KCNH1: variants seen among roughly 807,000 people sequenced by gnomAD.
KCNH1 encodes potassium voltage-gated channel subfamily H member 1.
KCNH1 carries 27 observed loss-of-function variants against 69.2 expected under a neutral mutation model. The observed-to-expected ratio is 0.39, with a 90% CI of 0.29 to 0.54. The LOEUF is 0.54. Ranked by LOEUF, KCNH1 falls within the 20% of genes least tolerant of loss-of-function variation. The pLI, the probability that KCNH1 is intolerant of heterozygous loss-of-function variation, is 0.68. For synonymous variants in KCNH1, 456 were observed against 487.7 expected (o/e 0.93, Z 0.86); for missense variants, 798 against 1,261.6 (o/e 0.63, Z 5.57).
chr1:210,899,507 T>A (rs953470199), intron 7 of KCNH1, among the ~76,000 whole-genome samples: 12 of 151,706 alleles, frequency 7.9e-5, no homozygotes, highest in East Asian at 1.9e-4. Context: ...ATATATATAT[T>A]TTTATCATTA....
In KCNH1 at chr1:210,796,259, T is replaced by A. The variant is rs530464938; in HGVS notation, c.1915+1249A>T. ...TGGAATGCTGATTCCATGGACCTCATCAGCCATGAGGAAATTTCCTTAATC... is the reference window on the plus strand; with the variant it reads ...TGGAATGCTGATTCCATGGACCTCAACAGCCATGAGGAAATTTCCTTAATC... On this transcript the variant is annotated intron_variant, in intron 9 of 10. Coordinates refer to ENST00000271751, the MANE Select transcript of KCNH1 (RefSeq NM_172362.3). 8.5e-5 allele frequency among the ~76,000 whole-genome samples: 13 copies of A among 152,202 alleles called. 1 individual carries two copies. In the South Asian group the frequency reaches 2.5e-3, roughly 29 times the overall value.
intron 6 of KCNH1, among the ~76,000 whole-genome samples, chr1:211,011,960 A>G (rs932122154): frequency 2.6e-5 from 4 of 152,192 alleles, no homozygotes; most frequent in African/African-American, 9.6e-5. Flanking sequence ...ACATCACTGA[A>G]AACAGACTCA....
At chr1:210,945,929 T>C (rs1687950871) in intron 6 of KCNH1, among the ~76,000 whole-genome samples, 1 of 152,200 alleles carries the variant, frequency 6.6e-6, no homozygotes, top group South Asian at 2.1e-4. Context: ...CCATTTAGTA[T>C]ACTAGAGGCT....
intron 7 of KCNH1, among the ~76,000 whole-genome samples, chr1:210,821,512 A>T (rs1224988438): frequency 6.6e-6 from 1 of 151,970 alleles, no homozygotes; most frequent in East Asian, 1.9e-4. Context: ...ATCACCTATA[A>T]ACTGCAGTTT....
chr1:210,812,865 T>C (rs1019215943), intron 7 of KCNH1, among the ~76,000 whole-genome samples: 17 of 152,328 alleles, frequency 1.1e-4, no homozygotes, highest in African/African-American at 4.1e-4. Flanking sequence ...ACTCACAACA[T>C]TTCTCTTGAT....
At chr1:211,056,872 C>T (rs773264740) in intron 5 of KCNH1, among the ~76,000 whole-genome samples, 3 of 152,208 alleles carry the variant, frequency 2.0e-5, no homozygotes, top group Non-Finnish European at 4.4e-5. Context: ...TAACCAAAAA[C>T]TTAGTCAAAA....
intron 10 of KCNH1, 64 bp from the exon 11 acceptor site, chr1:210,684,202 C>T: frequency 6.9e-7 from 1 of 1,451,550 alleles, no homozygotes; most frequent in Non-Finnish European, 9.1e-7. Context: ...AGCAGCCCAG[C>T]TCAGCCCTTC....
chr1:210,792,351 C>T (rs576540934), intron 9 of KCNH1, among the ~76,000 whole-genome samples: 8 of 152,282 alleles, frequency 5.3e-5, no homozygotes, highest in South Asian at 4.1e-4. Context: ...AGTCTTACTC[C>T]GGACTGTGAG....
At chr1:210,890,836 A>G (rs949662288) in intron 7 of KCNH1, among the ~76,000 whole-genome samples, 2 of 152,244 alleles carry the variant, frequency 1.3e-5, no homozygotes, top group Admixed American at 6.5e-5. Flanking sequence ...CAAAACCACA[A>G]TGAGATACCA....
At chr1:210,968,671 G>C (rs542624022) in intron 6 of KCNH1, among the ~76,000 whole-genome samples, 168 of 152,082 alleles carry the variant, frequency 1.1e-3, no homozygotes, top group African/African-American at 3.9e-3. Context: ...GTCTTGTTTA[G>C]AGAAGTGTCT....
chr1:211,114,947 TG>T (rs1448638778), intron 1 of KCNH1, among the ~76,000 whole-genome samples: 21 of 151,952 alleles, frequency 1.4e-4, no homozygotes, highest in African/African-American at 4.6e-4. Flanking sequence ...GTGTGGGAGT[TG>T]GTTTTTTGTT....
intron 7 of KCNH1, among the ~76,000 whole-genome samples, chr1:210,844,435 G>A (rs9730476): frequency 0.24 from 35,926 of 152,008 alleles, 4,401 homozygotes; most frequent in African/African-American, 0.31. Context: ...ACTCAAAACC[G>A]CTCAACTACA....
chr1:210,841,850 G>A (rs556194129), intron 7 of KCNH1, among the ~76,000 whole-genome samples: 1 of 152,118 alleles, frequency 6.6e-6, no homozygotes, highest in Non-Finnish European at 1.5e-5. Context: ...TAGGGGACCA[G>A]GGACAGAGAC....
At chr1:211,005,718 G>A (rs1689269203) in intron 6 of KCNH1, among the ~76,000 whole-genome samples, 1 of 151,914 alleles carries the variant, frequency 6.6e-6, no homozygotes, top group Non-Finnish European at 1.5e-5. Context: ...AGACACAAAA[G>A]CACATAAATG....
chr1:210,873,157 C>T (rs1295234387), intron 7 of KCNH1, among the ~76,000 whole-genome samples: 2 of 152,094 alleles, frequency 1.3e-5, no homozygotes, highest in African/African-American at 2.4e-5. Context: ...TTACTTCTTG[C>T]TTCCCCTAAG....
At chr1:211,096,688 T>C (rs950857215) in intron 3 of KCNH1, among the ~76,000 whole-genome samples, 8 of 152,234 alleles carry the variant, frequency 5.3e-5, no homozygotes, top group Non-Finnish European at 1.0e-4. Context: ...AACCGCTCCC[T>C]CTAATATATA....
At chr1:210,895,800 T>G in intron 7 of KCNH1, among the ~76,000 whole-genome samples, 1 of 151,944 alleles carries the variant, frequency 6.6e-6, no homozygotes, top group Non-Finnish European at 1.5e-5. Flanking sequence ...AAGATGGACC[T>G]AGATTGGCAG....
At chr1:210,888,553 A>G (rs1379972110) in intron 7 of KCNH1, among the ~76,000 whole-genome samples, 1 of 152,194 alleles carries the variant, frequency 6.6e-6, no homozygotes, top group African/African-American at 2.4e-5. Flanking sequence ...AGAAATAACT[A>G]AGATGCGAGC....
At chr1:210,958,295 C>A (rs995840959) in intron 6 of KCNH1, among the ~76,000 whole-genome samples, 2 of 152,188 alleles carry the variant, frequency 1.3e-5, no homozygotes, top group Non-Finnish European at 2.9e-5. Flanking sequence ...GTCTGACAGG[C>A]GTCCCTTTGT....
Sources: allele counts gnomAD v4.1 joint callset (sites outside exome capture counted in the v4.1 genomes callset), GRCh38; gene constraint gnomAD v4.1.1; transcripts MANE v1.5; gene names NCBI Gene and HGNC (gene_info 2026-07-23, HGNC 2026-07-21).